ZFHX3: variants seen among roughly 807,000 people sequenced by gnomAD.
ZFHX3 encodes zinc finger homeobox protein 3.
In ZFHX3, 42 loss-of-function variants were observed where a neutral mutation model predicts 279.1. That is an observed-to-expected ratio of 0.15 (90% CI 0.12 to 0.19). ZFHX3 has a LOEUF of 0.19. Among genes scored for constraint, ZFHX3 ranks in the 10% least tolerant of loss-of-function variants. The pLI is 1.00. For missense variants in ZFHX3, 4,981 were observed against 4,754.0 expected (o/e 1.05, Z -1.40); for synonymous variants, 2,293 against 1,957.8 (o/e 1.17, Z -4.52).
At chr16:73,008,047 A>G (rs1963778619) in intron 1 of ZFHX3, among the ~76,000 whole-genome samples, 1 of 152,012 alleles carries the variant, frequency 6.6e-6, no homozygotes, top group South Asian at 2.1e-4. Context: ...TAGCTTTTAG[A>G]TTTATCAATT....
At chr16:73,423,472 C>T (rs1277496389) in intron 3 of ZFHX3, among the ~76,000 whole-genome samples, 3 of 152,172 alleles carry the variant, frequency 2.0e-5, no homozygotes, top group Admixed American at 6.5e-5. Context: ...AGACTGTGAT[C>T]TCATGCATTT....
rs781313181 is a variant in ZFHX3, at chr16:72,784,324, A to AACTT, written c.*2836_*2839dup. 29 of 152,412 alleles carry AACTT rather than the reference A, an allele frequency of 1.9e-4. No homozygotes were observed. The highest frequency in any genetic ancestry group is 3.4e-3 in the Middle Eastern group (1 of 294). The allele number at this position is 152,412 out of a possible 1,614,324, so 9.4% of individuals were successfully genotyped here. On this transcript the variant is annotated 3_prime_UTR_variant, in exon 10 of 10. Coordinates refer to ENST00000268489, the MANE Select transcript of ZFHX3 (RefSeq NM_006885.4). ...GGGGCAGCAAAATTATAAAGAAAAG[A>AACTT]ACTTAAAAGTTGAGGGGGGAGGGAA... is the stretch of plus-strand genomic sequence containing the variant.
intron 3 of ZFHX3, among the ~76,000 whole-genome samples, chr16:73,408,056 T>G (rs1454122577): frequency 1.6e-4 from 19 of 119,878 alleles, no homozygotes; most frequent in South Asian, 2.6e-4. Context: ...GCTGCAGGAG[T>G]GGATGGGGGT....
intron 3 of ZFHX3, among the ~76,000 whole-genome samples, chr16:73,452,170 T>C (rs1386359678): frequency 6.6e-6 from 1 of 152,234 alleles, no homozygotes; most frequent in South Asian, 2.1e-4. Flanking sequence ...GTAGAATTAA[T>C]GTGTCTGATT....
chr16:72,934,200 G>A (rs1416272496), intron 3 of ZFHX3, among the ~76,000 whole-genome samples: 1 of 152,166 alleles, frequency 6.6e-6, no homozygotes, highest in Non-Finnish European at 1.5e-5. Flanking sequence ...TGAGGCAGGA[G>A]GATCACTTGA....
At chr16:73,551,075 T>C (rs1182450458) in intron 2 of ZFHX3, among the ~76,000 whole-genome samples, 4 of 152,218 alleles carry the variant, frequency 2.6e-5, no homozygotes, top group Admixed American at 2.6e-4. Flanking sequence ...AATCTTCTGT[T>C]ACACGAGAGA....
At chr16:73,255,678 T>C (rs564928349) in intron 5 of ZFHX3, among the ~76,000 whole-genome samples, 1 of 152,334 alleles carries the variant, frequency 6.6e-6, no homozygotes, top group African/African-American at 2.4e-5. Flanking sequence ...TGGGAGACAC[T>C]GTTTGTATTT....
chr16:73,509,521 C>CTTTT (rs531436437), intron 2 of ZFHX3, among the ~76,000 whole-genome samples: 8 of 102,984 alleles, frequency 7.8e-5, no homozygotes, highest in Non-Finnish European at 1.5e-4. Flanking sequence ...TTTCCCTCTC[C>CTTTT]TTTTTTTTTT....
At chr16:73,577,207 T>A (rs953253005) in intron 2 of ZFHX3, among the ~76,000 whole-genome samples, 16 of 152,180 alleles carry the variant, frequency 1.1e-4, no homozygotes, top group Non-Finnish European at 2.2e-4. Flanking sequence ...AAAAAAATAA[T>A]ACTTTATATT....
intron 1 of ZFHX3, among the ~76,000 whole-genome samples, chr16:73,053,458 C>T (rs1238073055): frequency 6.6e-6 from 1 of 151,552 alleles, no homozygotes; most frequent in Non-Finnish European, 1.5e-5. Flanking sequence ...GTCTCCGAGT[C>T]GTCATTACAA....
intron 5 of ZFHX3, among the ~76,000 whole-genome samples, chr16:73,208,916 G>C (rs1597220961): frequency 6.6e-6 from 1 of 152,276 alleles, no homozygotes; most frequent in African/African-American, 2.4e-5. Flanking sequence ...AACTCATCTG[G>C]TAGATTAATA....
intron 2 of ZFHX3, among the ~76,000 whole-genome samples, chr16:73,645,127 G>C (rs2052606700): frequency 6.6e-6 from 1 of 152,186 alleles, no homozygotes; most frequent in Non-Finnish European, 1.5e-5. Context: ...GATATTACCA[G>C]GGAAAGCTGG....
At position 73,300,446 on chromosome 16, in the gene ZFHX3, T is replaced by A. The variant is rs564832504; in HGVS notation, c.-1194+17794A>T. Among the ~76,000 whole-genome samples the A allele has an allele frequency of 3.3e-5, 5 of 151,758 alleles. No homozygotes were observed. In the East Asian group the frequency reaches 7.8e-4, roughly 24 times the overall value. On this transcript the variant is annotated intron_variant, in intron 4 of 17. Coordinates refer to the ZFHX3 transcript ENST00000641206. ...AAAGATGTCCTGCAGGTGTGGCCCATAGGTGGCCGTGTGTGCCAGGATACG... is the reference window on the plus strand; with the variant it reads ...AAAGATGTCCTGCAGGTGTGGCCCAAAGGTGGCCGTGTGTGCCAGGATACG...
intron 2 of ZFHX3, among the ~76,000 whole-genome samples, chr16:73,628,759 T>C (rs1292197550): frequency 6.6e-6 from 1 of 152,186 alleles, no homozygotes; most frequent in East Asian, 1.9e-4. Flanking sequence ...ATCTAAAATA[T>C]AATACTAAAA....
chr16:73,156,755 C>T (rs1019384093), intron 5 of ZFHX3, among the ~76,000 whole-genome samples: 2 of 151,752 alleles, frequency 1.3e-5, no homozygotes, highest in Non-Finnish European at 2.9e-5. Context: ...AGCTCTGTCA[C>T]CAGGCTGGAG....
At chr16:73,141,851 A>G (rs900430258) in intron 6 of ZFHX3, among the ~76,000 whole-genome samples, 1 of 152,190 alleles carries the variant, frequency 6.6e-6, no homozygotes, top group African/African-American at 2.4e-5. Flanking sequence ...CCAGCCTGTA[A>G]TCTTGATCTC....
intron 2 of ZFHX3, among the ~76,000 whole-genome samples, chr16:73,656,144 C>G (rs2052719037): frequency 6.6e-6 from 1 of 152,142 alleles, no homozygotes; most frequent in African/African-American, 2.4e-5. Context: ...TGGAACACAA[C>G]CATGCTTATC....
chr16:72,797,748 ATAC>A lies in ZFHX3; in HGVS notation c.4931_4933del (p.Ser1644del), dbSNP rs747225349. On this transcript the variant is annotated inframe_deletion, in exon 9 of 10. Transcript: ENST00000268489. ...ACTTGGCGTGGAGGAGCTCAAGGAAATACTGCTGCTGTTCCCAGTCCCATTGCT... is the reference window on the plus strand; with the variant it reads ...ACTTGGCGTGGAGGAGCTCAAGGAAATGCTGCTGTTCCCAGTCCCATTGCT... 1 of 1,613,968 alleles carries A rather than the reference ATAC, an allele frequency of 6.2e-7. No homozygotes were observed. Among genetic ancestry groups the A allele is most frequent in the South Asian group, 1.1e-5 (1 of 91,070 alleles).
chr16:73,537,472 A>T (rs893525745), intron 2 of ZFHX3, among the ~76,000 whole-genome samples: 2 of 151,880 alleles, frequency 1.3e-5, no homozygotes, highest in East Asian at 3.9e-4. Flanking sequence ...ACGTGCTGCC[A>T]CGCCCGGCTA....
Sources: allele counts gnomAD v4.1 joint callset (sites outside exome capture counted in the v4.1 genomes callset), GRCh38; gene constraint gnomAD v4.1.1; transcripts MANE v1.5; gene names NCBI Gene and HGNC (gene_info 2026-07-23, HGNC 2026-07-21).